RSPH1: variants seen among roughly 807,000 people sequenced by gnomAD.
RSPH1 encodes the protein radial spoke head 1 homolog.
Under a neutral mutation model 44.2 loss-of-function variants are expected in RSPH1, and 32 were observed. The ratio of observed to expected loss-of-function variants is 0.72; its 90% CI spans 0.55 to 0.97. The LOEUF is 0.97. RSPH1 is among the 50% of genes least tolerant of loss of function. The pLI, the probability that RSPH1 is intolerant of heterozygous loss-of-function variation, is 0.00. For synonymous variants in RSPH1, 134 were observed against 147.3 expected (o/e 0.91, Z 0.65); for missense variants, 391 against 398.7 (o/e 0.98, Z 0.16).
chr21:42,476,807 G>A lies in RSPH1; in HGVS notation c.727+484C>T, dbSNP rs370390334. On this transcript the variant is annotated intron_variant, in intron 7 of 8. Transcript: ENST00000291536. The stretch of plus-strand genomic sequence containing the variant: ...ACTCTGTTTCTTTCCTCTCCCCTCC[G>A]CTCTCCGGGAGTGTCCTCCAATCCC... Among the ~76,000 whole-genome samples the A allele has an allele frequency of 2.8e-4, 42 of 152,150 alleles. No individual in the cohort carries two copies. In the East Asian group the frequency reaches 3.9e-3, roughly 14 times the overall value.
chr21:42,493,192 G>A, intron 1 of RSPH1, 113 bp from the exon 2 acceptor site: 1 of 862,460 alleles, frequency 1.2e-6, no homozygotes, highest in Non-Finnish European at 1.8e-6. Context: ...TAAACCCCCG[G>A]CACTATACTC....
intron 2 of RSPH1, 24 bp downstream of exon 2, chr21:42,492,942 T>A: frequency 6.2e-7 from 1 of 1,605,016 alleles, no homozygotes; most frequent in Non-Finnish European, 8.5e-7. Flanking sequence ...GAGAAAACCA[T>A]CCAGTCAAGT....
chr21:42,475,811 C>A, intron 8 of RSPH1, 87 bp downstream of exon 8: 1 of 1,478,284 alleles, frequency 6.8e-7, no homozygotes, highest in South Asian at 1.2e-5. Context: ...CAGCTGAAGG[C>A]AGGCCTTGGT....
chr21:42,476,731 C>T (rs2054055245), intron 7 of RSPH1, among the ~76,000 whole-genome samples: 1 of 152,106 alleles, frequency 6.6e-6, no homozygotes, highest in South Asian at 2.1e-4. Flanking sequence ...CAGTGCTCCC[C>T]ATGGAATGAA....
chr21:42,482,572 A>T lies in RSPH1; in HGVS notation c.573+65T>A, dbSNP rs1344798528. On this transcript the variant is annotated intron_variant, in intron 6 of 8. Coordinates refer to ENST00000291536, the MANE Select transcript of RSPH1 (RefSeq NM_080860.4). ...GGCGAATCACCTCCAACCTTGCAGGATCAATATTTTTGAGCAGCTACTTCC... is the reference window on the plus strand; with the variant it reads ...GGCGAATCACCTCCAACCTTGCAGGTTCAATATTTTTGAGCAGCTACTTCC... 3 of 1,187,010 alleles carry T rather than the reference A, an allele frequency of 2.5e-6. No homozygotes were observed. In the Admixed American group the frequency reaches 5.8e-5, roughly 23 times the overall value. The allele number at this position is 1,187,010 out of a possible 1,614,324, so 73.5% of individuals were successfully genotyped here.
chr21:42,480,640 C>CAAAAA (rs780506820), intron 6 of RSPH1, among the ~76,000 whole-genome samples: 3 of 38,742 alleles, frequency 7.7e-5, no homozygotes, highest in Non-Finnish European at 9.5e-5. Flanking sequence ...AACTCCATCT[C>CAAAAA]AAAAAAAAAA....
Position 42,472,935 on chromosome 21 carries a change from T to C in RSPH1, c.878-65A>G. ...CTTTGTTCTATTTTTAAAGCCTTTA[T>C]TCACTAACAGATCTTTTGCCGAAAA... On this transcript the variant is annotated intron_variant, in intron 8 of 8. Transcript: ENST00000291536. The C allele has an allele frequency of 4.2e-6, 5 of 1,193,332 alleles. No individual in the cohort carries two copies. In the Admixed American group the frequency reaches 6.0e-5, roughly 14 times the overall value. The allele number at this position is 1,193,332 out of a possible 1,614,324, so 73.9% of individuals were successfully genotyped here.
chr21:42,474,969 C>T lies in RSPH1; in HGVS notation c.877+929G>A, dbSNP rs373360511. 3.3e-5 allele frequency among the ~76,000 whole-genome samples: 5 copies of T among 152,316 alleles called. No individual in the cohort carries two copies. Among genetic ancestry groups the T allele is most frequent in the East Asian group, 3.9e-4 (2 of 5,190 alleles). ...CTAAGTGGAATGGGACTGCAGACCC[C>T]GTGCCTGAGGCCGCCGTGCCCAGGC... On this transcript the variant is annotated intron_variant, in intron 8 of 8. Coordinates refer to ENST00000291536, the MANE Select transcript of RSPH1 (RefSeq NM_080860.4). The surrounding 1 kb of genome is among the most constrained non-coding windows in gnomAD (Gnocchi z 5.2).
In RSPH1 at chr21:42,486,472, C is replaced by T; in HGVS notation, c.275-11G>A. ...CATTTGCCCACTCTCCTGAAAGGAA[C>T]AACACAAAGGCAAGCCCAGGTGAGA... On this transcript the variant is annotated splice_polypyrimidine_tract_variant and intron_variant, in intron 3 of 8. Transcript: ENST00000291536. 1 of 1,606,944 alleles carries T rather than the reference C, an allele frequency of 6.2e-7. No individual in the cohort carries two copies.
At chr21:42,477,084 A>ACACCCTC (rs2054066711) in intron 7 of RSPH1, among the ~76,000 whole-genome samples, 1 of 25,772 alleles carries the variant, frequency 3.9e-5, no homozygotes, top group African/African-American at 1.2e-4. Context: ...CAGCCCGGGG[A>ACACCCTC]TGCCCCACAC....
intron 6 of RSPH1, among the ~76,000 whole-genome samples, chr21:42,482,340 C>T (rs1425292575): frequency 6.6e-6 from 1 of 152,198 alleles, no homozygotes; most frequent in African/African-American, 2.4e-5. Flanking sequence ...GCTTCGGCCT[C>T]CCAAAGTGCT....
At chr21:42,477,194 C>T (rs1200405269) in intron 7 of RSPH1, 97 bp downstream of exon 7, 4 of 352,064 alleles carry the variant, frequency 1.1e-5, no homozygotes, top group Non-Finnish European at 1.7e-5. Context: ...CCCCTCCACC[C>T]CACAGCCCGG....
At chr21:42,475,599 A>G (rs1157555879) in intron 8 of RSPH1, among the ~76,000 whole-genome samples, 1 of 147,774 alleles carries the variant, frequency 6.8e-6, no homozygotes, top group East Asian at 2.0e-4. Flanking sequence ...CAACAGAAGA[A>G]AGCCAGGCTC....
At chr21:42,495,217 T>A (rs56686614) in intron 1 of RSPH1, among the ~76,000 whole-genome samples, 1 of 152,342 alleles carries the variant, frequency 6.6e-6, no homozygotes, top group South Asian at 2.1e-4. Flanking sequence ...CAGGCACTTC[T>A]GGCTCTCCAT....
intron 3 of RSPH1, among the ~76,000 whole-genome samples, chr21:42,491,480 T>A (rs566214113): frequency 1.8e-4 from 28 of 152,014 alleles, no homozygotes; most frequent in African/African-American, 6.8e-4. Flanking sequence ...GTTCAAATTG[T>A]ATCAACATCT....
At chr21:42,480,155 G>T (rs902311528) in intron 6 of RSPH1, among the ~76,000 whole-genome samples, 2 of 152,116 alleles carry the variant, frequency 1.3e-5, no homozygotes, top group African/African-American at 4.8e-5. Context: ...TCACAGGAGC[G>T]GGAATCAGGA....
chr21:42,480,313 A>G (rs1212942627), intron 6 of RSPH1, among the ~76,000 whole-genome samples: 1 of 152,228 alleles, frequency 6.6e-6, no homozygotes, highest in Non-Finnish European at 1.5e-5. Context: ...TTAGAATCTA[A>G]CAAACTCTAG....
chr21:42,482,557 C>T, intron 6 of RSPH1, 80 bp downstream of exon 6: 1 of 1,053,936 alleles, frequency 9.5e-7, no homozygotes, highest in Non-Finnish European at 1.4e-6. Flanking sequence ...GGCGAATCAC[C>T]TCCAACCTTG....
intron 5 of RSPH1, among the ~76,000 whole-genome samples, chr21:42,484,254 A>G (rs1438728819): frequency 6.6e-6 from 1 of 152,242 alleles, no homozygotes; most frequent in East Asian, 1.9e-4. Flanking sequence ...CGATGAGAAT[A>G]TATGATAAAC....
Sources: allele counts gnomAD v4.1 joint callset (sites outside exome capture counted in the v4.1 genomes callset), GRCh38; gene constraint gnomAD v4.1.1; non-coding constraint Gnocchi (gnomAD v3.1); transcripts MANE v1.5; gene names NCBI Gene and HGNC (gene_info 2026-07-23, HGNC 2026-07-21).